Variants in GRIK2 observed in about 807,000 individuals in gnomAD.
GRIK2 encodes glutamate receptor ionotropic, kainate 2.
In GRIK2, 32 loss-of-function variants were observed where a neutral mutation model predicts 100.3. That is an observed-to-expected ratio of 0.32 (90% CI 0.24 to 0.43). GRIK2 has a LOEUF of 0.43. GRIK2 is among the 20% of genes least tolerant of loss of function. The probability of loss-of-function intolerance (pLI) is 1.00; values close to 1 mark genes in which losing one functional copy is unlikely to be tolerated. For synonymous variants in GRIK2, 417 were observed against 389.4 expected (o/e 1.07, Z -0.83); for missense variants, 843 against 1,114.9 (o/e 0.76, Z 3.47).
At chr6:101,563,886 A>C in intron 2 of GRIK2, among the ~76,000 whole-genome samples, 1 of 146,338 alleles carries the variant, frequency 6.8e-6, no homozygotes, top group African/African-American at 2.7e-5. Flanking sequence ...TGGGAAAAAC[A>C]AAAAAAAATA....
chr6:101,785,088 T>G (rs914758666), intron 7 of GRIK2, among the ~76,000 whole-genome samples: 1 of 152,164 alleles, frequency 6.6e-6, no homozygotes, highest in Non-Finnish European at 1.5e-5. Flanking sequence ...GTTGTCTGTT[T>G]TTATGTCTTT....
At position 101,773,064 on chromosome 6, in the gene GRIK2, A is replaced by G. The variant is rs544103425; in HGVS notation, c.952-26584A>G. The stretch of plus-strand genomic sequence containing the variant: ...CAACACAATGAGAAAGTGTATGTTC[A>G]TATGGGGCAGGGATATTCAAGAGAA... On this transcript the variant is annotated intron_variant, in intron 7 of 16. Transcript: ENST00000369134. 2.0e-3 allele frequency among the ~76,000 whole-genome samples: 307 copies of G among 152,336 alleles called. 1 individual carries two copies. The highest frequency in any genetic ancestry group is 7.2e-3 in the African/African-American group (298 of 41,578).
At chr6:102,051,577 T>C (rs1238438896) in intron 15 of GRIK2, among the ~76,000 whole-genome samples, 1 of 152,174 alleles carries the variant, frequency 6.6e-6, no homozygotes, top group East Asian at 1.9e-4. Flanking sequence ...GTTTTAAATG[T>C]GTGAATTTTA....
chr6:101,516,312 A>G lies in GRIK2; in HGVS notation c.116-105637A>G, dbSNP rs181388689. 4.6e-3 allele frequency among the ~76,000 whole-genome samples: 699 copies of G among 152,116 alleles called. 1 individual carries two copies. Among genetic ancestry groups the G allele is most frequent in the Non-Finnish European group, 8.0e-3 (543 of 67,946 alleles). On this transcript the variant is annotated intron_variant, in intron 2 of 16. Coordinates refer to ENST00000369134, the MANE Select transcript of GRIK2 (RefSeq NM_021956.5). ...CTAAGCAAAAAGAACAAATCTGGAG[A>G]CATCACACTACCAGATTTCAAACTA...
At chr6:101,893,715 TA>T (rs1787254441) in intron 12 of GRIK2, among the ~76,000 whole-genome samples, 1 of 151,736 alleles carries the variant, frequency 6.6e-6, no homozygotes, top group Non-Finnish European at 1.5e-5. Flanking sequence ...CATAAAATAT[TA>T]AACATTTATT....
chr6:101,434,933 T>G (rs960642688), intron 2 of GRIK2, among the ~76,000 whole-genome samples: 3 of 144,760 alleles, frequency 2.1e-5, no homozygotes, highest in African/African-American at 7.7e-5. Context: ...AATCTGTTTT[T>G]GCTCCTGAGG....
intron 9 of GRIK2, among the ~76,000 whole-genome samples, chr6:101,804,345 G>A (rs560587000): frequency 6.6e-6 from 1 of 152,078 alleles, no homozygotes; most frequent in East Asian, 1.9e-4. Flanking sequence ...CAAGATATTT[G>A]CAGGGTATTA....
At chr6:101,766,726 C>G (rs184283941) in intron 7 of GRIK2, among the ~76,000 whole-genome samples, 12 of 152,130 alleles carry the variant, frequency 7.9e-5, no homozygotes, top group African/African-American at 2.9e-4. Context: ...CCAAATGAGC[C>G]CCATTCTTAG....
chr6:101,835,187 G>A (rs1450954351), intron 10 of GRIK2, among the ~76,000 whole-genome samples: 2 of 151,938 alleles, frequency 1.3e-5, no homozygotes, highest in Admixed American at 6.5e-5. Context: ...ATTTCCTCTT[G>A]AAAGCAATTT....
chr6:101,641,687 G>C (rs1183705583), intron 4 of GRIK2, among the ~76,000 whole-genome samples: 1 of 151,956 alleles, frequency 6.6e-6, no homozygotes, highest in Non-Finnish European at 1.5e-5. Context: ...ACTTGTATTT[G>C]TGTGTTAAGA....
chr6:101,769,436 T>C (rs1210832439), intron 7 of GRIK2, among the ~76,000 whole-genome samples: 1 of 152,230 alleles, frequency 6.6e-6, no homozygotes, highest in Non-Finnish European at 1.5e-5. Flanking sequence ...AGAAATATTA[T>C]CTGATGCTGT....
intron 7 of GRIK2, among the ~76,000 whole-genome samples, chr6:101,776,800 G>T (rs1358038812): frequency 6.6e-6 from 1 of 152,124 alleles, no homozygotes; most frequent in African/African-American, 2.4e-5. Flanking sequence ...TAGGGATCAG[G>T]TTATTATATG....
chr6:101,963,581 T>C (rs1384045421), intron 14 of GRIK2, among the ~76,000 whole-genome samples: 2 of 147,916 alleles, frequency 1.4e-5, no homozygotes, highest in East Asian at 2.0e-4. Context: ...CTTGATCTCC[T>C]GACCTCGTGA....
intron 14 of GRIK2, among the ~76,000 whole-genome samples, chr6:102,002,143 T>A (rs1794973019): frequency 6.6e-6 from 1 of 150,806 alleles, no homozygotes; most frequent in South Asian, 2.1e-4. Flanking sequence ...ATATTATTAT[T>A]TATATGATAC....
At chr6:101,450,404 A>G (rs1770610340) in intron 2 of GRIK2, among the ~76,000 whole-genome samples, 1 of 151,664 alleles carries the variant, frequency 6.6e-6, no homozygotes, top group African/African-American at 2.4e-5. Context: ...AAGTTATTGA[A>G]TCTTTGGAGT....
At chr6:101,756,313 C>G (rs943153540) in intron 7 of GRIK2, among the ~76,000 whole-genome samples, 3 of 123,660 alleles carry the variant, frequency 2.4e-5, no homozygotes, top group Admixed American at 2.4e-4. Flanking sequence ...TAAGTCATGG[C>G]TTTCCCTCCA....
intron 2 of GRIK2, among the ~76,000 whole-genome samples, chr6:101,463,739 A>G (rs747882771): frequency 1.2e-4 from 19 of 152,154 alleles, no homozygotes; most frequent in Non-Finnish European, 1.9e-4. Flanking sequence ...GTAGAATCAG[A>G]TCATTGACAC....
At chr6:101,628,517 G>A (rs1025937870) in intron 4 of GRIK2, among the ~76,000 whole-genome samples, 3 of 151,858 alleles carry the variant, frequency 2.0e-5, no homozygotes, top group African/African-American at 7.2e-5. Flanking sequence ...TTTGTCATTG[G>A]TAAAGTTCTG....
intron 4 of GRIK2, among the ~76,000 whole-genome samples, chr6:101,674,216 G>T (rs10872738): frequency 0.73 from 111,157 of 151,928 alleles, 41,011 homozygotes; most frequent in African/African-American, 0.77. Context: ...TTTGGAAATT[G>T]GCCTCATTCT....
Sources: allele counts gnomAD v4.1 joint callset (sites outside exome capture counted in the v4.1 genomes callset), GRCh38; gene constraint gnomAD v4.1.1; transcripts MANE v1.5; gene names NCBI Gene and HGNC (gene_info 2026-07-23, HGNC 2026-07-21).